The following TMEM94 variants were observed in gnomAD, a reference collection of about 807,000 sequenced individuals.
TMEM94 encodes ER Mg2+ ATPase.
A neutral mutation model predicts 158.6 loss-of-function variants in TMEM94; 81 were observed. That is an observed-to-expected ratio of 0.51 (90% CI 0.43 to 0.61). TMEM94 has a LOEUF of 0.61. Among genes scored for constraint, TMEM94 ranks in the 20% least tolerant of loss-of-function variants. TMEM94 has a pLI of 0.00. For synonymous variants in TMEM94, 751 were observed against 730.7 expected, an observed-to-expected ratio of 1.03 and a Z score of -0.45; for missense variants, 1,435 against 1,762.0, an observed-to-expected ratio of 0.81 and a Z score of 3.32.
At chr17:75,462,001 G>GT (rs1230233393) in intron 1 of TMEM94, among the ~76,000 whole-genome samples, 7,063 of 84,634 alleles carry the variant, frequency 0.083, 1,345 homozygotes, top group African/African-American at 0.13. Context: ...TTTTTGTTTT[G>GT]TTTTGTTTTG....
At position 75,495,012 on chromosome 17, in the gene TMEM94, C is replaced by A. The variant is rs1054149515; in HGVS notation, c.2706C>A (p.Ser902=). 1 of 1,613,308 alleles carries A rather than the reference C, an allele frequency of 6.2e-7. No homozygotes were observed. The highest frequency in any genetic ancestry group is 8.5e-7 in the Non-Finnish European group (1 of 1,180,002). Residue 902 remains serine (S), a synonymous_variant, in exon 20 of 32, where the codon TCC becomes TCA. Coordinates refer to ENST00000314256, the MANE Select transcript of TMEM94 (RefSeq NM_014738.6). This position sits in a 1 kb window ranked among gnomAD's most constrained non-coding sequence, Gnocchi z 5.6. ...CCTCCAGCCCCAGCCACGCAGGCTC[C>A]CTGCATGATGACCTGAATCAGGGTA... ...IPPSSPSHAG[S]LHDDLNQVSR... is the part of the protein sequence containing the mutation.
chr17:75,489,469 G>T lies in TMEM94; in HGVS notation c.867+101G>T, dbSNP rs2051943246. ...CACATGAGCGGGAGTGAATGCAGAG[G>T]GTCCCAGAGTGAGCCAGCCTGTGGA... is the stretch of plus-strand genomic sequence containing the variant. On this transcript the variant is annotated intron_variant, in intron 8 of 31. Coordinates refer to ENST00000314256, the MANE Select transcript of TMEM94 (RefSeq NM_014738.6). The surrounding 1 kb of genome is among the most constrained non-coding windows in gnomAD (Gnocchi z 5.0). 2.7e-6 allele frequency: 4 copies of T among 1,480,718 alleles called. No homozygotes were observed. The Admixed American group carries it at 5.1e-5, about 19-fold the overall frequency. The allele number at this position is 1,480,718 out of a possible 1,614,324, so 91.7% of individuals were successfully genotyped here. A position where few individuals can be genotyped will look rare whatever the true frequency, so the allele number is the denominator to read the frequency against.
intron 16 of TMEM94, 148 bp downstream of exon 16, chr17:75,493,250 TG>T: frequency 6.2e-6 from 6 of 972,932 alleles, no homozygotes; most frequent in Non-Finnish European, 9.0e-6. Flanking sequence ...GGGCTGGAAT[TG>T]GGGACCAGGG....
chr17:75,459,036 G>A (rs1320160305), intron 1 of TMEM94, among the ~76,000 whole-genome samples: 2 of 147,100 alleles, frequency 1.4e-5, no homozygotes, highest in East Asian at 2.0e-4. Flanking sequence ...CAGCCTGGGC[G>A]ACACAGCGAG....
chr17:75,493,194 C>T, intron 16 of TMEM94, 92 bp downstream of exon 16: 1 of 1,351,216 alleles, frequency 7.4e-7, no homozygotes, highest in East Asian at 2.5e-5. Context: ...CTAGGGAGGC[C>T]TGGGCAGATG....
At chr17:75,469,838 C>T (rs966779364) in intron 1 of TMEM94, among the ~76,000 whole-genome samples, 2 of 151,834 alleles carry the variant, frequency 1.3e-5, no homozygotes, top group Admixed American at 1.3e-4. Context: ...TTTGGGAGGC[C>T]GAGGTGGGTG....
chr17:75,498,139 T>G lies in TMEM94; in HGVS notation c.3490-36T>G. On this transcript the variant is annotated intron_variant, in intron 27 of 31. Transcript: ENST00000314256. The surrounding 1 kb of genome is among the most constrained non-coding windows in gnomAD (Gnocchi z 6.7). ...AGCTAGGAGCAGCCGGCAGAGGGGC[T>G]GTGCGCCCCAGGAGTGACTGGCCTT... The G allele has an allele frequency of 6.2e-7, 1 of 1,609,114 alleles. No individual in the cohort carries two copies. Among genetic ancestry groups the G allele is most frequent in the Non-Finnish European group, 8.5e-7 (1 of 1,176,530 alleles).
At chr17:75,493,223 A>G in intron 16 of TMEM94, 121 bp downstream of exon 16, 1 of 1,115,848 alleles carries the variant, frequency 9.0e-7, no homozygotes, top group African/African-American at 1.6e-5. Flanking sequence ...ACTGCTTCCA[A>G]GTGTTCCACT....
rs549706718 is a variant in TMEM94, at chr17:75,492,365, G to T, written c.1597-109G>T. 2 of 1,456,960 alleles carry T rather than the reference G, an allele frequency of 1.4e-6. No homozygotes were observed. The highest frequency in any genetic ancestry group is 2.8e-5 in the Admixed American group (1 of 36,342). The allele number at this position is 1,456,960 out of a possible 1,614,324, so 90.3% of individuals were successfully genotyped here. A position where few individuals can be genotyped will look rare whatever the true frequency, so the allele number is the denominator to read the frequency against. On this transcript the variant is annotated intron_variant, in intron 14 of 31. Coordinates refer to ENST00000314256, the MANE Select transcript of TMEM94 (RefSeq NM_014738.6). The surrounding 1 kb of genome is among the most constrained non-coding windows in gnomAD (Gnocchi z 4.4). ...GAGCAGCAGCTCTCTCCTGGGAAGG[G>T]TGCCTTTCAGGGGCAGGAGCCCTCC...
intron 1 of TMEM94, among the ~76,000 whole-genome samples, chr17:75,464,323 C>T (rs1180039142): frequency 1.3e-5 from 2 of 151,738 alleles, no homozygotes; most frequent in East Asian, 3.9e-4. Context: ...GACCCTGTCT[C>T]CAAAAAAAAA....
Position 75,495,990 on chromosome 17 carries a change from T to G in TMEM94, c.2969T>G (p.Met990Arg). ...GCCATGTGTGAGATGATAAAGATCA[T>G]GCAAGAGTACGGGGAGGTGACCTGC... is the stretch of plus-strand genomic sequence containing the variant. ...PETMCEMIKI[M>R]QEYGEVTCCL... Residue 990 changes from methionine (M) to arginine (R), a missense_variant, in exon 23 of 32, where the codon ATG becomes AGG. By Grantham distance (91) the Met-to-Arg change is moderately conservative. This residue lies in a region of TMEM94 where 49 missense variants were observed against 98.5 expected (regional missense o/e 0.50). Transcript: ENST00000314256. This position sits in a 1 kb window ranked among gnomAD's most constrained non-coding sequence, Gnocchi z 5.6. 6.2e-7 allele frequency: 1 copy of G among 1,613,436 alleles called. No homozygotes were observed. The highest frequency in any genetic ancestry group is 8.5e-7 in the Non-Finnish European group (1 of 1,179,876).
At chr17:75,463,034 AAAAATATATATATATAT>A (rs1355934530) in intron 1 of TMEM94, among the ~76,000 whole-genome samples, 4 of 3,772 alleles carry the variant, frequency 1.1e-3, no homozygotes, top group Admixed American at 2.1e-3. Context: ...AAAAAAAAAA[AAAAATATATATATATAT>A]ATATATATAT....
In TMEM94 at chr17:75,491,727, A is replaced by C. The variant is rs1177892360; in HGVS notation, c.1423A>C (p.Asn475His). 6.2e-7 allele frequency: 1 copy of C among 1,613,942 alleles called. No homozygotes were observed. The highest frequency in any genetic ancestry group is 1.3e-5 in the African/African-American group (1 of 74,940). ...AGACGCCCTCCTGGCTGGCTCCCTG[A>C]ACAACACCCTGCACCTTTCCAATGA... Reference protein sequence around the residue: ...ERDALLAGSLNNTLHLSNEQE... With the variant: ...ERDALLAGSLHNTLHLSNEQE... Residue 475 changes from asparagine to histidine, a missense_variant, in exon 14 of 32, where the codon AAC becomes CAC. By Grantham distance (68) the Asn-to-His change is moderately conservative. Coordinates refer to ENST00000314256, the MANE Select transcript of TMEM94 (RefSeq NM_014738.6). The surrounding 1 kb of genome is among the most constrained non-coding windows in gnomAD (Gnocchi z 5.1).
In TMEM94 at chr17:75,492,183, G is replaced by C. The variant is rs780295904; in HGVS notation, c.1596+283G>C. The C allele has an allele frequency of 2.4e-6, 3 of 1,231,454 alleles. No individual in the cohort carries two copies. Among genetic ancestry groups the C allele is most frequent in the Non-Finnish European group, 3.3e-6 (3 of 918,128 alleles). The allele number at this position is 1,231,454 out of a possible 1,614,324, so 76.3% of individuals were successfully genotyped here. On this transcript the variant is annotated intron_variant, in intron 14 of 31. Transcript: ENST00000314256. This position sits in a 1 kb window ranked among gnomAD's most constrained non-coding sequence, Gnocchi z 4.4. ...GAGCTCCCTCTTAGAGATGTTCCCT[G>C]GCCACAGAAGATCCCTCAACTGTGT...
intron 1 of TMEM94, among the ~76,000 whole-genome samples, chr17:75,462,481 C>T (rs2050111633): frequency 6.6e-6 from 1 of 151,700 alleles, no homozygotes. Context: ...TTCTCAGCTT[C>T]TGCTTGGTTC....
chr17:75,485,055 T>A lies in TMEM94; in HGVS notation c.25-373T>A. ...TCTATCTAAAAAAAAAAAAAAAAAT[T>A]GTCCATGCAATCAAAGACTGGCCCC... is the stretch of plus-strand genomic sequence containing the variant. On this transcript the variant is annotated intron_variant, in intron 2 of 31. Coordinates refer to ENST00000314256, the MANE Select transcript of TMEM94 (RefSeq NM_014738.6). This position sits in a 1 kb window ranked among gnomAD's most constrained non-coding sequence, Gnocchi z 5.5. Among the ~76,000 whole-genome samples the A allele has an allele frequency of 6.7e-6, 1 of 149,118 alleles. No individual in the cohort carries two copies. The highest frequency in any genetic ancestry group is 1.5e-5 in the Non-Finnish European group (1 of 67,400).
At chr17:75,469,083 T>G (rs1258684067) in intron 1 of TMEM94, among the ~76,000 whole-genome samples, 3 of 152,110 alleles carry the variant, frequency 2.0e-5, no homozygotes, top group Non-Finnish European at 2.9e-5. Context: ...CCCGCTTTTG[T>G]CGGACCTGTT....
At chr17:75,465,679 A>ATATATATAT (rs1247855961) in intron 1 of TMEM94, among the ~76,000 whole-genome samples, 2 of 124,848 alleles carry the variant, frequency 1.6e-5, no homozygotes, top group Non-Finnish European at 3.2e-5. Flanking sequence ...ATATATATAT[A>ATATATATAT]TTTTTTTTTA....
Position 75,492,225 on chromosome 17 carries a change from A to G in TMEM94, c.1597-249A>G, listed in dbSNP as rs1177409500. 7.1e-7 allele frequency: 1 copy of G among 1,412,576 alleles called. No individual in the cohort carries two copies. The highest frequency in any genetic ancestry group is 1.4e-5 in the African/African-American group (1 of 69,242). 87.5% of individuals were successfully genotyped at this position (1,412,576 alleles called of 1,614,324 possible). A position where few individuals can be genotyped will look rare whatever the true frequency, so the allele number is the denominator to read the frequency against. The stretch of plus-strand genomic sequence containing the variant: ...CAACTGTGTCCTCTTTGGTCTGGCC[A>G]CCCCTCTTTTTAGCTCCTGCCAGTG... On this transcript the variant is annotated intron_variant, in intron 14 of 31. Coordinates refer to ENST00000314256, the MANE Select transcript of TMEM94 (RefSeq NM_014738.6). This position sits in a 1 kb window ranked among gnomAD's most constrained non-coding sequence, Gnocchi z 4.4.
Sources: gnomAD v4.1 joint callset for allele counts (sites outside exome capture counted in the v4.1 genomes callset) on GRCh38, gnomAD v4.1.1 for gene constraint, gnomAD v4.1.1 regional missense constraint, Gnocchi (gnomAD v3.1) non-coding constraint, MANE v1.5 for transcripts, NCBI Gene and HGNC (gene_info 2026-07-23, HGNC 2026-07-21) for gene names.